The following PIWIL2 variants were observed in gnomAD, a reference collection of about 807,000 sequenced individuals.
The protein encoded by PIWIL2 is piwi like RNA-mediated gene silencing 2.
A neutral mutation model predicts 116.5 loss-of-function variants in PIWIL2; 81 were observed. The observed-to-expected ratio is 0.70, with a 90% CI of 0.58 to 0.84. The LOEUF is 0.84. Among genes scored for constraint, PIWIL2 ranks in the 40% least tolerant of loss-of-function variants. The pLI is 0.00. For missense variants in PIWIL2, 1,272 were observed against 1,212.3 expected (o/e 1.05, Z -0.73); for synonymous variants, 489 against 429.5 (o/e 1.14, Z -1.71).
At chr8:22,321,873 A>G in intron 20 of PIWIL2, 2 of 985,124 alleles carry the variant, frequency 2.0e-6, no homozygotes, top group Non-Finnish European at 2.4e-6. Context: ...GGAAGTTCCA[A>G]CACCTCCGAA....
chr8:22,316,482 T>G, intron 19 of PIWIL2, 149 bp downstream of exon 19: 14 of 558,362 alleles, frequency 2.5e-5, no homozygotes, highest in East Asian at 7.0e-5. Flanking sequence ...GAATTTTTTT[T>G]TTCGGGGGGG....
Position 22,318,165 on chromosome 8 carries a change from C to G in PIWIL2, c.2298-5C>G. 1 of 1,592,822 alleles carries G rather than the reference C, an allele frequency of 6.3e-7. No homozygotes were observed. The highest frequency in any genetic ancestry group is 8.6e-7 in the Non-Finnish European group (1 of 1,160,768). On this transcript the variant is annotated splice_region_variant and splice_polypyrimidine_tract_variant and intron_variant, in intron 19 of 22. Coordinates refer to ENST00000356766, the MANE Select transcript of PIWIL2 (RefSeq NM_018068.5). ...TCTCTGTCTCTCTGCTCACCCTGAC[C>G]CTAGCACCCTCACAAAATGGTATTC...
chr8:22,314,681 C>T (rs1003779995), intron 17 of PIWIL2, among the ~76,000 whole-genome samples: 4 of 152,134 alleles, frequency 2.6e-5, no homozygotes, highest in African/African-American at 4.8e-5. Flanking sequence ...TTTCATGTGA[C>T]TGAGTTCTGA....
At chr8:22,339,257 C>T (rs963956934) in intron 20 of PIWIL2, among the ~76,000 whole-genome samples, 1 of 152,090 alleles carries the variant, frequency 6.6e-6, no homozygotes, top group African/African-American at 2.4e-5. Context: ...CCTGTAATCC[C>T]AGCACTTTGG....
Position 22,284,162 on chromosome 8 carries a change from A to G in PIWIL2, c.633A>G (p.Lys211=). The change falls in exon 6 of 23, where the codon AAA becomes AAG. Residue 211 remains lysine (K), a splice_region_variant and synonymous_variant. Transcript: ENST00000356766. ...GTTGCTTTTTGTTTTTATTTTCTAG[A>G]GAGCTTATTGTGAAGCAAGGATCAA... The part of the protein sequence containing the change: ...PLVLTVEHKE[K]ELIVKQGSKG... 6.5e-7 allele frequency: 1 copy of G among 1,549,344 alleles called. No homozygotes were observed. The highest frequency in any genetic ancestry group is 2.1e-5 in the Admixed American group (1 of 47,794).
At position 22,287,510 on chromosome 8, in the gene PIWIL2, C is replaced by A; in HGVS notation, c.744-18C>A. 1.3e-6 allele frequency: 2 copies of A among 1,519,294 alleles called. No individual in the cohort carries two copies. The highest frequency in any genetic ancestry group is 1.8e-6 in the Non-Finnish European group (2 of 1,093,478). 94.1% of individuals were successfully genotyped at this position (1,519,294 alleles called of 1,614,324 possible). A position where few individuals can be genotyped will look rare whatever the true frequency, so the allele number is the denominator to read the frequency against. ...GTTTGAGTCAAGTTAAAGGAAAATC[C>A]TCTTCATTATTTTCCAGCCCCAATG... On this transcript the variant is annotated intron_variant, in intron 6 of 22. Coordinates refer to ENST00000356766, the MANE Select transcript of PIWIL2 (RefSeq NM_018068.5).
intron 1 of PIWIL2, among the ~76,000 whole-genome samples, chr8:22,276,334 G>T (rs1363141715): frequency 2.0e-5 from 3 of 151,970 alleles, no homozygotes; most frequent in African/African-American, 7.2e-5. Flanking sequence ...TGTTTGTTTT[G>T]AGACGGAGTC....
chr8:22,290,070 G>T (rs149403283), intron 9 of PIWIL2, 143 bp downstream of exon 9: 13 of 735,334 alleles, frequency 1.8e-5, no homozygotes, highest in Non-Finnish European at 1.8e-5. Flanking sequence ...CCTTAGTTTG[G>T]TTTTTCAGTA....
chr8:22,354,125 A>G, intron 21 of PIWIL2, 146 bp from the exon 22 acceptor site: 1 of 607,096 alleles, frequency 1.6e-6, no homozygotes, highest in South Asian at 2.0e-5. Context: ...CCTGGGTTCT[A>G]ATCCTGGTCT....
intron 20 of PIWIL2, among the ~76,000 whole-genome samples, chr8:22,350,939 G>C (rs1832338504): frequency 6.6e-6 from 1 of 152,122 alleles, no homozygotes; most frequent in African/African-American, 2.4e-5. Context: ...TCAGGAGTTT[G>C]AGACCAGCCT....
intron 6 of PIWIL2, among the ~76,000 whole-genome samples, 181 bp from the exon 7 acceptor site, chr8:22,287,347 G>A (rs1830651543): frequency 6.6e-6 from 1 of 152,188 alleles, no homozygotes; most frequent in Admixed American, 6.5e-5. Flanking sequence ...ATGACCTATG[G>A]TTTCTGATGT....
chr8:22,276,248 TTG>T (rs1830365776), intron 1 of PIWIL2, among the ~76,000 whole-genome samples: 1 of 152,232 alleles, frequency 6.6e-6, no homozygotes, highest in East Asian at 1.9e-4. Flanking sequence ...GGTTTATGAA[TTG>T]TGTGTTAATA....
At chr8:22,353,369 C>G (rs1832417860) in intron 21 of PIWIL2, among the ~76,000 whole-genome samples, 157 bp downstream of exon 21, 1 of 152,082 alleles carries the variant, frequency 6.6e-6, no homozygotes, top group Admixed American at 6.6e-5. Flanking sequence ...TATTTAAGGG[C>G]CTGGCATGGT....
rs1176995657 is a variant in PIWIL2, at chr8:22,316,249, A to G, written c.2213A>G (p.Gln738Arg). 1 of 1,608,682 alleles carries G rather than the reference A, an allele frequency of 6.2e-7. No homozygotes were observed. Residue 738 changes from glutamine to arginine, a missense_variant, in exon 19 of 23, where the codon CAG becomes CGG. Gln to Arg is a conservative substitution (Grantham distance 43, BLOSUM62 1). Coordinates refer to ENST00000356766, the MANE Select transcript of PIWIL2 (RefSeq NM_018068.5). ...TGTTTTTGTTTTCTAAACTAGAAACAGTTAATGGTGATCGGGATGGATGTT... is the reference window on the plus strand; with the variant it reads ...TGTTTTTGTTTTCTAAACTAGAAACGGTTAATGGTGATCGGGATGGATGTT... The part of the protein sequence containing the change: ...ELWGVDIPLK[Q>R]LMVIGMDVYH...
chr8:22,339,629 T>C (rs894276730), intron 20 of PIWIL2, among the ~76,000 whole-genome samples: 1 of 151,908 alleles, frequency 6.6e-6, no homozygotes, highest in Non-Finnish European at 1.5e-5. Flanking sequence ...AAAGAAAAAA[T>C]CGATTTGATG....
chr8:22,322,542 T>C (rs1831623285), intron 20 of PIWIL2, among the ~76,000 whole-genome samples: 1 of 152,166 alleles, frequency 6.6e-6, no homozygotes, highest in African/African-American at 2.4e-5. Flanking sequence ...GCTGGGATTA[T>C]AGCTGTGAGC....
intron 16 of PIWIL2, among the ~76,000 whole-genome samples, chr8:22,313,124 T>C (rs1489910641): frequency 1.3e-5 from 2 of 152,228 alleles, no homozygotes; most frequent in African/African-American, 4.8e-5. Context: ...ACAGTTTTCA[T>C]GTGGCATGGA....
chr8:22,352,922 G>C (rs1440611625), intron 20 of PIWIL2, 37 bp from the exon 21 acceptor site: 2 of 1,585,378 alleles, frequency 1.3e-6, no homozygotes, highest in Non-Finnish European at 1.7e-6. Flanking sequence ...GTAGCCTGAG[G>C]GCTCTGTGAG....
intron 6 of PIWIL2, among the ~76,000 whole-genome samples, chr8:22,286,463 T>C (rs1415444797): frequency 6.6e-6 from 1 of 152,080 alleles, no homozygotes; most frequent in Non-Finnish European, 1.5e-5. Flanking sequence ...AACAGGCTTG[T>C]TGTGAAACAT....
Sources: allele counts gnomAD v4.1 joint callset (sites outside exome capture counted in the v4.1 genomes callset), GRCh38; gene constraint gnomAD v4.1.1; transcripts MANE v1.5; gene names NCBI Gene and HGNC (gene_info 2026-07-23, HGNC 2026-07-21).